The following SLC66A3 variants were observed in gnomAD, a reference collection of about 807,000 sequenced individuals.
SLC66A3 encodes PQ loop repeat containing 3.
Under a neutral mutation model 25.5 loss-of-function variants are expected in SLC66A3, and 23 were observed. The ratio of observed to expected loss-of-function variants is 0.90; its 90% CI spans 0.65 to 1.28. SLC66A3 has a LOEUF of 1.28. SLC66A3 is among the 50% of genes most tolerant of loss of function. The pLI, the probability that SLC66A3 is intolerant of heterozygous loss-of-function variation, is 0.00. For synonymous variants in SLC66A3, 108 were observed against 112.6 expected (o/e 0.96, Z 0.26); for missense variants, 246 against 262.1 (o/e 0.94, Z 0.42).
At chr2:11,173,761 G>A (rs963937937) in intron 5 of SLC66A3, among the ~76,000 whole-genome samples, 62 of 152,244 alleles carry the variant, frequency 4.1e-4, no homozygotes, top group African/African-American at 1.5e-3. Flanking sequence ...CCCAAGTCAC[G>A]CCACTCCCTG....
At chr2:11,160,441 T>C (rs1233637753) in intron 1 of SLC66A3, 25 bp from the exon 2 acceptor site, 1 of 1,608,488 alleles carries the variant, frequency 6.2e-7, no homozygotes, top group Admixed American at 1.7e-5. Flanking sequence ...GGCAGCCGTG[T>C]GGACATGTGC....
At chr2:11,166,075 T>A (rs1263206941) in intron 4 of SLC66A3, among the ~76,000 whole-genome samples, 1 of 152,164 alleles carries the variant, frequency 6.6e-6, no homozygotes, top group Non-Finnish European at 1.5e-5. Context: ...GGTTTCACTG[T>A]GTTGGCCAGG....
chr2:11,176,551 C>T (rs1390083084), intron 6 of SLC66A3, among the ~76,000 whole-genome samples: 6 of 66,150 alleles, frequency 9.1e-5, no homozygotes, highest in Non-Finnish European at 1.8e-4. Context: ...TTTTTTGAGA[C>T]GGAGTCTCGC....
chr2:11,166,753 T>G (rs6705799), intron 4 of SLC66A3, among the ~76,000 whole-genome samples: 12,673 of 152,050 alleles, frequency 0.083, 783 homozygotes, highest in African/African-American at 0.17. Flanking sequence ...AAATTAGCCA[T>G]GCATGGTGGC....
At chr2:11,165,395 A>C (rs1286293030) in intron 4 of SLC66A3, among the ~76,000 whole-genome samples, 10 of 143,126 alleles carry the variant, frequency 7.0e-5, no homozygotes, top group Admixed American at 6.9e-4. Flanking sequence ...GGTGGCCGGG[A>C]AGAGGTGCTC....
chr2:11,165,465 G>A (rs1023320123), intron 4 of SLC66A3, among the ~76,000 whole-genome samples: 3 of 150,734 alleles, frequency 2.0e-5, no homozygotes, highest in Non-Finnish European at 3.0e-5. Context: ...ACGGGGCGAC[G>A]GGGCAGAGGC....
chr2:11,172,904 C>A lies in SLC66A3; in HGVS notation c.475+859C>A, dbSNP rs190075770. 6.3e-4 allele frequency: 130 copies of A among 205,930 alleles called. 1 individual carries two copies. Among genetic ancestry groups the A allele is most frequent in the African/African-American group, 2.1e-3 (89 of 42,318 alleles). The allele number at this position is 205,930 out of a possible 1,614,324, so 12.8% of individuals were successfully genotyped here. A position where few individuals can be genotyped will look rare whatever the true frequency, so the allele number is the denominator to read the frequency against. On this transcript the variant is annotated intron_variant, in intron 5 of 6. Transcript: ENST00000295083. The stretch of plus-strand genomic sequence containing the variant: ...TTGAGACACAGTCTCGCTCTGTCAC[C>A]CAGGCTGGAGTGCAGTGGTGCAATC...
rs754701770 is a variant in SLC66A3, at chr2:11,174,968, CAAG to C, written c.479_481del (p.Arg160del). On this transcript the variant is annotated inframe_deletion and splice_region_variant, in exon 6 of 7. Coordinates refer to ENST00000295083, the MANE Select transcript of SLC66A3 (RefSeq NM_152391.5). Reference sequence around the variant, plus strand: ...TATTGCTGCAAGTTTTCTTTTACAGCAAGAATAATCACAACCTTAATGACCACC... The same window carrying C: ...TATTGCTGCAAGTTTTCTTTTACAGCAATAATCACAACCTTAATGACCACC... The C allele has an allele frequency of 5.6e-6, 9 of 1,606,652 alleles. No homozygotes were observed. In the African/African-American group the frequency reaches 6.7e-5, roughly 12 times the overall value.
chr2:11,168,787 C>G (rs1662443910), intron 4 of SLC66A3, among the ~76,000 whole-genome samples: 1 of 152,142 alleles, frequency 6.6e-6, no homozygotes, highest in South Asian at 2.1e-4. Flanking sequence ...AGTCCTGCCA[C>G]AGGCCTGACC....
At chr2:11,171,881 T>C in intron 4 of SLC66A3, 44 bp from the exon 5 acceptor site, 1 of 1,609,708 alleles carries the variant, frequency 6.2e-7, no homozygotes. Flanking sequence ...TTTGCTTTTT[T>C]AACAAATCGA....
At chr2:11,159,769 T>G (rs2147983111) in intron 1 of SLC66A3, among the ~76,000 whole-genome samples, 1 of 152,220 alleles carries the variant, frequency 6.6e-6, no homozygotes, top group Middle Eastern at 3.4e-3. Flanking sequence ...GGGATTCCGG[T>G]CCTGAAGGGA....
At chr2:11,163,069 T>C (rs974172607) in intron 3 of SLC66A3, among the ~76,000 whole-genome samples, 1 of 152,184 alleles carries the variant, frequency 6.6e-6, no homozygotes, top group African/African-American at 2.4e-5. Context: ...TGGGATTCCC[T>C]AGCGCTCCAA....
intron 6 of SLC66A3, among the ~76,000 whole-genome samples, chr2:11,177,002 C>G (rs554735393): frequency 2.6e-5 from 4 of 152,110 alleles, no homozygotes; most frequent in African/African-American, 9.7e-5. Context: ...CACAAAGAGA[C>G]ACATTTTCAT....
chr2:11,172,641 T>C (rs1424732877), intron 5 of SLC66A3: 1 of 266,248 alleles, frequency 3.8e-6, no homozygotes, highest in Non-Finnish European at 8.0e-6. Context: ...TTCTTCTGCA[T>C]CTTAAAGGGC....
At chr2:11,172,759 T>A (rs1166009162) in intron 5 of SLC66A3, 1 of 441,634 alleles carries the variant, frequency 2.3e-6, no homozygotes, top group Non-Finnish European at 4.6e-6. Flanking sequence ...AGGGTCTCGC[T>A]CTCTCTCACA....
At chr2:11,155,794 G>C in intron 1 of SLC66A3, 105 bp downstream of exon 1, 3 of 1,124,412 alleles carry the variant, frequency 2.7e-6, no homozygotes, top group Non-Finnish European at 3.4e-6. Context: ...TGATCCCCGC[G>C]CGCCGGCGTC....
chr2:11,157,296 T>C (rs1661941399), intron 1 of SLC66A3, among the ~76,000 whole-genome samples: 1 of 152,232 alleles, frequency 6.6e-6, no homozygotes, highest in Admixed American at 6.5e-5. Context: ...CTTGCTGCCA[T>C]CCCTGCTGGC....
intron 3 of SLC66A3, chr2:11,160,923 T>A: frequency 1.6e-6 from 1 of 643,802 alleles, no homozygotes; most frequent in Non-Finnish European, 2.6e-6. Context: ...GCAGGCCGAG[T>A]GGAAGGCAGA....
At chr2:11,160,917 G>A in intron 3 of SLC66A3, 2 of 684,226 alleles carry the variant, frequency 2.9e-6, no homozygotes, top group South Asian at 2.0e-5. Flanking sequence ...GTGCCAGCAG[G>A]CCGAGTGGAA....
Sources: allele counts gnomAD v4.1 joint callset (sites outside exome capture counted in the v4.1 genomes callset), GRCh38; gene constraint gnomAD v4.1.1; transcripts MANE v1.5; gene names NCBI Gene and HGNC (gene_info 2026-07-23, HGNC 2026-07-21).